DPM1: variants seen among roughly 807,000 people sequenced by gnomAD.
The protein encoded by DPM1 is dolichol-phosphate mannosyltransferase subunit 1.
Under a neutral mutation model 39.0 loss-of-function variants are expected in DPM1, and 27 were observed. The observed-to-expected ratio is 0.69, with a 90% CI of 0.51 to 0.95. The LOEUF (loss-of-function observed/expected upper bound fraction) is 0.95, where lower values mean the gene tolerates loss of function less well. Ranked by LOEUF, DPM1 falls within the 40% of genes least tolerant of loss-of-function variation. DPM1 has a pLI of 0.00. For synonymous variants in DPM1, 124 were observed against 109.0 expected (o/e 1.14, Z -0.86); for missense variants, 307 against 315.6 (o/e 0.97, Z 0.21).
At position 50,941,387 on chromosome 20, in the gene DPM1, T is replaced by C. The variant is rs1429634900; in HGVS notation, c.495-454A>G. Among the ~76,000 whole-genome samples, 34 of 145,384 alleles carry C rather than the reference T, an allele frequency of 2.3e-4. 1 individual carries two copies. The South Asian group carries it at 5.1e-3, about 22-fold the overall frequency. On this transcript the variant is annotated intron_variant, in intron 6 of 8. Transcript: ENST00000371588. ...TATATATTCATATTATATATATTCA[T>C]ATATATATTCATATTATATATATAT...
chr20:50,940,840 A>AT, intron 7 of DPM1, 25 bp downstream of exon 7: 3 of 1,556,604 alleles, frequency 1.9e-6, no homozygotes, highest in Non-Finnish European at 2.7e-6. Context: ...AAGTTATATA[A>AT]AAGTAGTGGA....
chr20:50,953,166 A>T (rs1318472064), intron 2 of DPM1, among the ~76,000 whole-genome samples: 1 of 152,236 alleles, frequency 6.6e-6, no homozygotes, highest in Non-Finnish European at 1.5e-5. Flanking sequence ...TTCAACACAG[A>T]GCAGTTGAAG....
At chr20:50,949,957 C>A (rs929287399) in intron 2 of DPM1, among the ~76,000 whole-genome samples, 1 of 152,106 alleles carries the variant, frequency 6.6e-6, no homozygotes, top group African/African-American at 2.4e-5. Flanking sequence ...CCTTTATATC[C>A]AAGGTAATTA....
rs938258234 is a variant in DPM1 at position 50,940,916 on chromosome 20, A to T, written c.512T>A (p.Leu171Ter). Residue 171 changes from leucine (L) to a stop codon, truncating the protein, a stop_gained, in exon 7 of 9, where the codon TTA becomes TAA. Coordinates refer to ENST00000371588, the MANE Select transcript of DPM1 (RefSeq NM_003859.3). LOFTEE classifies it high-confidence loss of function. The part of the protein sequence containing the change: ...RKIISRGANF[L>*]TQILLRPGAS... Reference sequence around the variant, plus strand: ...TCCTGGTCTCAGCAAGATCTGAGTTAAAAAATTGGCCCCACGGCTGCCAAA... The same window carrying T: ...TCCTGGTCTCAGCAAGATCTGAGTTTAAAAATTGGCCCCACGGCTGCCAAA... The T allele has an allele frequency of 1.2e-6, 2 of 1,613,974 alleles. No individual in the cohort carries two copies. The highest frequency in any genetic ancestry group is 1.7e-6 in the Non-Finnish European group (2 of 1,179,926).
intron 2 of DPM1, among the ~76,000 whole-genome samples, 198 bp from the exon 3 acceptor site, chr20:50,948,860 G>C (rs781521250): frequency 6.6e-6 from 1 of 151,820 alleles, no homozygotes; most frequent in Non-Finnish European, 1.5e-5. Context: ...GTTTAACGTA[G>C]CTAACATTTT....
intron 7 of DPM1, among the ~76,000 whole-genome samples, chr20:50,937,809 A>T (rs1985339124): frequency 6.6e-6 from 1 of 151,756 alleles, no homozygotes; most frequent in Non-Finnish European, 1.5e-5. Flanking sequence ...ACTTAGAATA[A>T]CTTTTAAAGT....
intron 6 of DPM1, chr20:50,941,343 TTATA>T (rs1332377723): frequency 4.7e-5 from 6 of 127,870 alleles, no homozygotes; most frequent in African/African-American, 1.0e-4. Context: ...TATATTCGTA[TTATA>T]TATATTCATA....
intron 3 of DPM1, among the ~76,000 whole-genome samples, chr20:50,947,658 C>CT (rs1262967209): frequency 6.6e-6 from 1 of 152,106 alleles, no homozygotes; most frequent in Non-Finnish European, 1.5e-5. Flanking sequence ...TAAAGAATAA[C>CT]TGTTTTTATC....
intron 6 of DPM1, 143 bp from the exon 7 acceptor site, chr20:50,941,076 A>G: frequency 1.0e-6 from 1 of 985,274 alleles, no homozygotes. Flanking sequence ...CTAGAACAAA[A>G]TAGAAATTTT....
intron 3 of DPM1, among the ~76,000 whole-genome samples, chr20:50,948,152 G>T (rs1189607630): frequency 6.6e-6 from 1 of 152,114 alleles, no homozygotes. Flanking sequence ...AAGTCTAAGT[G>T]GTCCTCCCTC....
intron 7 of DPM1, among the ~76,000 whole-genome samples, chr20:50,939,333 T>C (rs1466571050): frequency 1.3e-5 from 2 of 152,236 alleles, no homozygotes; most frequent in Non-Finnish European, 2.9e-5. Context: ...ATTCTTTGCA[T>C]TGTTGCCACA....
intron 6 of DPM1, among the ~76,000 whole-genome samples, chr20:50,941,630 C>A (rs962336471): frequency 6.6e-6 from 1 of 151,786 alleles, no homozygotes; most frequent in Non-Finnish European, 1.5e-5. Flanking sequence ...ATTGCTTGAG[C>A]CCGGGAGGCA....
intron 1 of DPM1, 48 bp from the exon 2 acceptor site, chr20:50,955,333 T>C (rs1183540997): frequency 7.5e-7 from 1 of 1,340,800 alleles, no homozygotes; most frequent in South Asian, 1.2e-5. Context: ...TGTTCTCAAA[T>C]TTAAAAGTAA....
chr20:50,943,781 C>G lies in DPM1; in HGVS notation c.399-1655G>C, dbSNP rs529711267. On this transcript the variant is annotated intron_variant, in intron 5 of 8. Transcript: ENST00000371588. ...TTGAGATGGAGTCTCGCTCTGTCGC[C>G]CAGGCTGGAGTGCAGTGGCGCGATC... 2.6e-3 allele frequency among the ~76,000 whole-genome samples: 389 copies of G among 150,346 alleles called. 2 individuals carry two copies. The highest frequency in any genetic ancestry group is 8.5e-3 in the African/African-American group (346 of 40,756).
chr20:50,948,144 G>A (rs1986392278), intron 3 of DPM1, among the ~76,000 whole-genome samples: 2 of 152,174 alleles, frequency 1.3e-5, no homozygotes, highest in Admixed American at 1.3e-4. Context: ...AAAGGGAAAA[G>A]TCTAAGTGGT....
chr20:50,957,336 T>G (rs1325804103), intron 1 of DPM1, among the ~76,000 whole-genome samples: 1 of 152,180 alleles, frequency 6.6e-6, no homozygotes, highest in Non-Finnish European at 1.5e-5. Context: ...TTTAGAGCAA[T>G]TTGGCAGTAA....
intron 6 of DPM1, chr20:50,941,356 T>TATATATTCAC (rs1213748191): frequency 7.8e-6 from 1 of 128,804 alleles, no homozygotes; most frequent in African/African-American, 4.5e-5. Flanking sequence ...TATATATTCA[T>TATATATTCAC]ATACATATAT....
At chr20:50,937,199 A>C (rs1985255163) in intron 7 of DPM1, among the ~76,000 whole-genome samples, 1 of 152,200 alleles carries the variant, frequency 6.6e-6, no homozygotes. Context: ...ACTGTGCCTC[A>C]GGGTTTCACC....
At position 50,939,295 on chromosome 20, in the gene DPM1, G is replaced by A. The variant is rs548410146; in HGVS notation, c.563+1570C>T. On this transcript the variant is annotated intron_variant, in intron 7 of 8. Coordinates refer to ENST00000371588, the MANE Select transcript of DPM1 (RefSeq NM_003859.3). Reference sequence around the variant, plus strand: ...TGTGAAATCCACACTGGCCCTTCCCGCTGTACAGAGATTTTGTGAGTGCCA... The same window carrying A: ...TGTGAAATCCACACTGGCCCTTCCCACTGTACAGAGATTTTGTGAGTGCCA... Among the ~76,000 whole-genome samples, 9 of 152,224 alleles carry A rather than the reference G, an allele frequency of 5.9e-5. No homozygotes were observed. In the East Asian group the frequency reaches 1.4e-3, roughly 23 times the overall value.
Sources: gnomAD v4.1 joint callset for allele counts (sites outside exome capture counted in the v4.1 genomes callset) on GRCh38, gnomAD v4.1.1 for gene constraint, MANE v1.5 for transcripts, NCBI Gene and HGNC (gene_info 2026-07-23, HGNC 2026-07-21) for gene names.